The following STAG1 variants were observed in gnomAD, a reference collection of about 807,000 sequenced individuals.
STAG1 encodes cohesin subunit SA-1.
STAG1 carries 26 observed loss-of-function variants against 170.9 expected under a neutral mutation model. The ratio of observed to expected loss-of-function variants is 0.15; its 90% CI spans 0.11 to 0.21. The LOEUF (loss-of-function observed/expected upper bound fraction) is 0.21. STAG1 is among the 10% of genes least tolerant of loss of function. The pLI is 1.00. For synonymous variants in STAG1, 514 were observed against 497.7 expected, an observed-to-expected ratio of 1.03 and a Z score of -0.44; for missense variants, 964 against 1,509.5, an observed-to-expected ratio of 0.64 and a Z score of 5.99.
intron 13 of STAG1, among the ~76,000 whole-genome samples, chr3:136,462,414 T>C (rs1460519733): frequency 6.6e-6 from 1 of 152,202 alleles, no homozygotes; most frequent in East Asian, 1.9e-4. Context: ...GATGACATTA[T>C]GTTAAGTGAA....
chr3:136,746,550 A>G (rs114943035), intron 1 of STAG1, among the ~76,000 whole-genome samples: 1 of 152,304 alleles, frequency 6.6e-6, no homozygotes, highest in African/African-American at 2.4e-5. Flanking sequence ...TTGCCTCTTC[A>G]TGAAAATATT....
intron 1 of STAG1, among the ~76,000 whole-genome samples, chr3:136,716,397 C>T (rs534989645): frequency 1.3e-5 from 2 of 150,788 alleles, no homozygotes; most frequent in Admixed American, 6.6e-5. Flanking sequence ...CTACAGGCAG[C>T]GGTTGCAGTG....
intron 29 of STAG1, 44 bp from the exon 30 acceptor site, chr3:136,344,050 G>A (rs1936115563): frequency 1.4e-6 from 2 of 1,450,082 alleles, no homozygotes; most frequent in Admixed American, 2.2e-5. Context: ...TGGGTGGAGT[G>A]AACTCTGGTA....
chr3:136,418,635 A>C (rs1375387378), intron 20 of STAG1, among the ~76,000 whole-genome samples: 4 of 151,056 alleles, frequency 2.6e-5, no homozygotes, highest in African/African-American at 9.7e-5. Flanking sequence ...TTTATTGTAT[A>C]TATAATAGTA....
At chr3:136,523,028 T>G (rs1304572617) in intron 6 of STAG1, among the ~76,000 whole-genome samples, 1 of 152,164 alleles carries the variant, frequency 6.6e-6, no homozygotes, top group Non-Finnish European at 1.5e-5. Flanking sequence ...GCAATAAACA[T>G]ACGTGTGCAT....
At chr3:136,436,530 C>T (rs1410537612) in intron 15 of STAG1, among the ~76,000 whole-genome samples, 7 of 151,890 alleles carry the variant, frequency 4.6e-5, no homozygotes, top group East Asian at 1.9e-4. Context: ...GATCCACCCA[C>T]GTCGGCCTCC....
At chr3:136,359,383 A>G (rs1043173281) in intron 26 of STAG1, 87 bp from the exon 27 acceptor site, 1 of 917,626 alleles carries the variant, frequency 1.1e-6, no homozygotes, top group Non-Finnish European at 1.5e-6. Context: ...AAATATGTAA[A>G]AGGTATAAGG....
intron 1 of STAG1, among the ~76,000 whole-genome samples, chr3:136,717,775 G>A (rs148603767): frequency 4.3e-4 from 65 of 152,262 alleles, no homozygotes; most frequent in African/African-American, 1.5e-3. Context: ...AAGGAATCAC[G>A]TATGGAAAGT....
intron 1 of STAG1, among the ~76,000 whole-genome samples, chr3:136,744,506 C>G (rs930608742): frequency 6.6e-6 from 1 of 152,086 alleles, no homozygotes; most frequent in African/African-American, 2.4e-5. Flanking sequence ...CTCACCAATA[C>G]TTGACATTAT....
Position 136,356,319 on chromosome 3 carries a change from TATAGTC to T in STAG1, c.3065+1395_3065+1400del, listed in dbSNP as rs150322785. Among the ~76,000 whole-genome samples the T allele has an allele frequency of 5.6e-3, 848 of 152,328 alleles. 3 individuals are homozygous for T. Among genetic ancestry groups the T allele is most frequent in the Non-Finnish European group, 9.7e-3 (657 of 68,030 alleles). On this transcript the variant is annotated intron_variant, in intron 28 of 33. Coordinates refer to ENST00000383202, the MANE Select transcript of STAG1 (RefSeq NM_005862.3). ...AACATCTTTACTTAGAACTATCACT[TATAGTC>T]ATATAAGTATTAACTGTCTCTCCAA...
At chr3:136,552,763 A>C (rs1936461680) in intron 5 of STAG1, among the ~76,000 whole-genome samples, 1 of 152,222 alleles carries the variant, frequency 6.6e-6, no homozygotes, top group Non-Finnish European at 1.5e-5. Context: ...CTAAGAAGTT[A>C]TAATCAAAAA....
chr3:136,739,098 C>T (rs988243822), intron 1 of STAG1, among the ~76,000 whole-genome samples: 1 of 152,098 alleles, frequency 6.6e-6, no homozygotes, highest in Admixed American at 6.5e-5. Context: ...TTTCAACATG[C>T]AGAAATGAGG....
chr3:136,513,077 G>A (rs955559394), intron 7 of STAG1, among the ~76,000 whole-genome samples: 8 of 152,122 alleles, frequency 5.3e-5, no homozygotes, highest in Non-Finnish European at 8.8e-5. Context: ...CGGGTGTAGT[G>A]GCCCAAGTGG....
intron 4 of STAG1, among the ~76,000 whole-genome samples, chr3:136,572,601 CAAAAAAAAAA>C (rs11379268): frequency 3.0e-5 from 2 of 66,700 alleles, no homozygotes; most frequent in Non-Finnish European, 5.6e-5. Context: ...AAGACTGTCT[CAAAAAAAAAA>C]AAAAAAAAAA....
At chr3:136,562,691 G>A (rs1936894246) in intron 5 of STAG1, among the ~76,000 whole-genome samples, 3 of 152,024 alleles carry the variant, frequency 2.0e-5, no homozygotes, top group Admixed American at 1.3e-4. Context: ...GGGTTCAAGT[G>A]ATTCTCCTGC....
intron 26 of STAG1, 117 bp downstream of exon 26, chr3:136,363,249 C>CA: frequency 1.8e-6 from 1 of 565,758 alleles, no homozygotes. Context: ...AATGCACTGA[C>CA]AAAATGATAT....
chr3:136,693,774 T>C (rs1481717161), intron 1 of STAG1, among the ~76,000 whole-genome samples: 1 of 152,020 alleles, frequency 6.6e-6, no homozygotes, highest in East Asian at 1.9e-4. Flanking sequence ...CTCATTATGT[T>C]GCCAGGCTGG....
intron 5 of STAG1, among the ~76,000 whole-genome samples, chr3:136,562,571 G>T (rs892769394): frequency 6.6e-6 from 1 of 150,990 alleles, no homozygotes; most frequent in African/African-American, 2.4e-5. Context: ...CTTTAAGCTA[G>T]AACAGTTTGA....
At chr3:136,705,424 C>A (rs113159887) in intron 1 of STAG1, among the ~76,000 whole-genome samples, 7 of 131,140 alleles carry the variant, frequency 5.3e-5, no homozygotes, top group Admixed American at 4.6e-4. Flanking sequence ...CACACACACA[C>A]AACGAAGTTC....
Sources: gnomAD v4.1 joint callset for allele counts (sites outside exome capture counted in the v4.1 genomes callset) on GRCh38, gnomAD v4.1.1 for gene constraint, MANE v1.5 for transcripts, NCBI Gene and HGNC (gene_info 2026-07-23, HGNC 2026-07-21) for gene names.